ANO2: variants seen among roughly 807,000 people sequenced by gnomAD.
ANO2 encodes the protein anoctamin-2.
Under a neutral mutation model 124.2 loss-of-function variants are expected in ANO2, and 101 were observed. That is an observed-to-expected ratio of 0.81 (90% CI 0.69 to 0.96). ANO2 has a LOEUF of 0.96. Among genes scored for constraint, ANO2 ranks in the 40% least tolerant of loss-of-function variants. ANO2 has a pLI of 0.00. For missense variants in ANO2, 1,293 were observed against 1,274.5 expected (o/e 1.01, Z -0.22); for synonymous variants, 486 against 482.5 (o/e 1.01, Z -0.09).
intron 13 of ANO2, among the ~76,000 whole-genome samples, chr12:5,738,754 A>G (rs550778686): frequency 9.9e-5 from 15 of 152,162 alleles, no homozygotes; most frequent in African/African-American, 3.1e-4. Flanking sequence ...AGGCTGATTT[A>G]TTTGCATTAT....
Position 5,633,680 on chromosome 12 carries a change from G to A in ANO2, c.1816+1472C>T, listed in dbSNP as rs542144306. On this transcript the variant is annotated intron_variant, in intron 16 of 24. Transcript: ENST00000682330. The stretch of plus-strand genomic sequence containing the variant: ...GCCCTGGACGTAGAGCCCCGGCACC[G>A]GGCTCCCCTGGCATCCTGCGTACAC... Among the ~76,000 whole-genome samples, 11 of 152,174 alleles carry A rather than the reference G, an allele frequency of 7.2e-5. No homozygotes were observed. In the East Asian group the frequency reaches 7.7e-4, roughly 11 times the overall value.
At chr12:5,943,768 G>A (rs530635093) in intron 1 of ANO2, among the ~76,000 whole-genome samples, 16 of 152,260 alleles carry the variant, frequency 1.1e-4, no homozygotes, top group South Asian at 2.1e-4. Context: ...CTCTAGCAAC[G>A]TCATACATAG....
intron 3 of ANO2, among the ~76,000 whole-genome samples, chr12:5,879,279 C>T (rs1224428506): frequency 1.3e-5 from 2 of 152,116 alleles, no homozygotes; most frequent in African/African-American, 4.8e-5. Context: ...TGTACTCAAG[C>T]CCAAGAAACA....
rs1310218589 is a variant in ANO2 at position 5,612,935 on chromosome 12, T to C, written c.1952A>G (p.Tyr651Cys). The C allele has an allele frequency of 2.5e-6, 4 of 1,613,746 alleles. No individual in the cohort carries two copies. The highest frequency in any genetic ancestry group is 3.4e-6 in the Non-Finnish European group (4 of 1,179,856). Residue 651 changes from tyrosine to cysteine, a missense_variant, in exon 18 of 25, where the codon TAC becomes TGC. By Grantham distance (194) the Tyr-to-Cys change is radical (BLOSUM62 -2). Transcript: ENST00000682330. Reference sequence around the variant, plus strand: ...GCGGTAACCATCGAATACATAGACGTAGCTTCCAGGCCTGCCCACAAACCT... The same window carrying C: ...GCGGTAACCATCGAATACATAGACGCAGCTTCCAGGCCTGCCCACAAACCT... ...KGRFVGRPGS[Y>C]VYVFDGYRME...
In ANO2 at chr12:5,806,092, C is replaced by A. The variant is rs765660266; in HGVS notation, c.950G>T (p.Gly317Val). ...ATCGTCCTCTGGACTATCGTATTCA[C>A]CCTGTGGAGAAAAAGTGATGCTGGA... is the stretch of plus-strand genomic sequence containing the variant. ...IYEAAYPLHDGEYDSPEDDMN... is the reference protein window; with the variant it reads ...IYEAAYPLHDVEYDSPEDDMN... The change falls in exon 9 of 25, where the codon GGT (glycine) becomes GTT (valine). Residue 317 changes from glycine (G) to valine (V), a missense_variant and splice_region_variant. Transcript: ENST00000682330. 6.2e-7 allele frequency: 1 copy of A among 1,613,200 alleles called. No homozygotes were observed. The highest frequency in any genetic ancestry group is 2.2e-5 in the East Asian group (1 of 44,872).
At chr12:5,835,975 C>G (rs189705161) in intron 4 of ANO2, among the ~76,000 whole-genome samples, 1 of 152,192 alleles carries the variant, frequency 6.6e-6, no homozygotes, top group Non-Finnish European at 1.5e-5. Flanking sequence ...ACCATACCCA[C>G]GTGTCTTTAA....
chr12:5,576,439 G>C (rs897037684), intron 22 of ANO2, among the ~76,000 whole-genome samples: 1 of 152,224 alleles, frequency 6.6e-6, no homozygotes, highest in South Asian at 2.1e-4. Context: ...ATCTGCCCCT[G>C]AGTAGTACCA....
rs1259559144 is a variant in ANO2, at chr12:5,807,333, C to A, written c.928G>T (p.Ala310Ser). 2 of 1,555,484 alleles carry A rather than the reference C, an allele frequency of 1.3e-6. No homozygotes were observed. Among genetic ancestry groups the A allele is most frequent in the Middle Eastern group, 1.7e-4 (1 of 5,994 alleles). ...CTTACGTCATGAAGAGGGTAGGCAG[C>A]CTCATAGATATTGTTTGCGATCAGA... ...NSLIANNIYE[A>S]AYPLHDGEYD... The change falls in exon 8 of 25, where the codon GCT (alanine) becomes TCT (serine). Residue 310 changes from alanine to serine, a missense_variant. By Grantham distance (99) the Ala-to-Ser change is moderately conservative. Transcript: ENST00000682330.
chr12:5,581,083 TG>T (rs1467735392), intron 20 of ANO2, among the ~76,000 whole-genome samples: 5 of 152,162 alleles, frequency 3.3e-5, no homozygotes, highest in Admixed American at 6.5e-5. Context: ...GAGTCAGGAA[TG>T]GGGATAAGGC....
chr12:5,764,004 G>A (rs781571413), intron 10 of ANO2, among the ~76,000 whole-genome samples: 4 of 152,188 alleles, frequency 2.6e-5, no homozygotes, highest in Non-Finnish European at 2.9e-5. Context: ...ATGTGCTAAT[G>A]CTAGTTATCT....
intron 15 of ANO2, among the ~76,000 whole-genome samples, chr12:5,642,011 G>A (rs1044608374): frequency 2.0e-5 from 3 of 152,132 alleles, no homozygotes; most frequent in Non-Finnish European, 4.4e-5. Flanking sequence ...TGATGACATT[G>A]ATGATGACAC....
chr12:5,699,907 G>C (rs1409001124), intron 14 of ANO2, among the ~76,000 whole-genome samples: 1 of 152,168 alleles, frequency 6.6e-6, no homozygotes, highest in Admixed American at 6.5e-5. Context: ...AAATATATAT[G>C]CACCCAATAC....
intron 14 of ANO2, among the ~76,000 whole-genome samples, chr12:5,727,811 CTTTT>C (rs78477563): frequency 1.6e-5 from 2 of 124,466 alleles, no homozygotes; most frequent in African/African-American, 6.1e-5. Context: ...CTACTTTTTT[CTTTT>C]TTTTTTTTCG....
intron 19 of ANO2, among the ~76,000 whole-genome samples, chr12:5,602,320 G>A (rs1073842): frequency 0.6 from 91,643 of 151,644 alleles, 28,132 homozygotes; most frequent in Admixed American, 0.71. Context: ...GTGTGATTTC[G>A]GCTCACTTCA....
intron 1 of ANO2, among the ~76,000 whole-genome samples, chr12:5,937,670 A>G (rs1439940883): frequency 6.6e-6 from 1 of 151,992 alleles, no homozygotes. Flanking sequence ...TTCTAGCAGG[A>G]AGTTCAACTA....
rs547071839 is a variant in ANO2 at position 5,660,978 on chromosome 12, T to A, written c.1546-13177A>T. On this transcript the variant is annotated intron_variant, in intron 14 of 24. Coordinates refer to ENST00000682330, the MANE Select transcript of ANO2 (RefSeq NM_001364791.2). ...AAACCGAAGGAAAAATGCAAAAGGT[T>A]CATAGCAACCTCTCAACAGTTTGAG... 1.6e-4 allele frequency among the ~76,000 whole-genome samples: 24 copies of A among 152,342 alleles called. No individual in the cohort carries two copies. In the South Asian group the frequency reaches 4.8e-3, roughly 30 times the overall value.
chr12:5,783,075 T>C (rs1160347785), intron 10 of ANO2, among the ~76,000 whole-genome samples: 1 of 152,296 alleles, frequency 6.6e-6, no homozygotes, highest in East Asian at 1.9e-4. Context: ...TTTACTTCAG[T>C]GTGAGACAAG....
intron 1 of ANO2, among the ~76,000 whole-genome samples, chr12:5,931,254 C>A (rs1020136945): frequency 5.3e-5 from 8 of 152,030 alleles, no homozygotes; most frequent in African/African-American, 1.9e-4. Flanking sequence ...TGCTGGCCTT[C>A]CCCCTATACC....
At chr12:5,818,451 A>T (rs1174957059) in intron 7 of ANO2, among the ~76,000 whole-genome samples, 13 of 1,720 alleles carry the variant, frequency 7.6e-3, no homozygotes, top group East Asian at 0.12. Context: ...CTCATATTAT[A>T]TATATATATA....
Sources: allele counts gnomAD v4.1 joint callset (sites outside exome capture counted in the v4.1 genomes callset), GRCh38; gene constraint gnomAD v4.1.1; transcripts MANE v1.5; gene names NCBI Gene and HGNC (gene_info 2026-07-23, HGNC 2026-07-21).